EYS: variants seen among roughly 807,000 people sequenced by gnomAD.
The protein encoded by EYS is EGF-like photoreceptor maintenance factor.
In EYS, 250 loss-of-function variants were observed where a neutral mutation model predicts 282.1. That is an observed-to-expected ratio of 0.89 (90% CI 0.80 to 0.98). EYS has a LOEUF of 0.98. Ranked by LOEUF, EYS falls within the 50% of genes least tolerant of loss-of-function variation. EYS has a pLI of 0.00. For synonymous variants in EYS, 1,355 were observed against 1,282.9 expected (o/e 1.06, Z -1.20); for missense variants, 4,016 against 3,709.0 (o/e 1.08, Z -2.15).
intron 23 of EYS, among the ~76,000 whole-genome samples, chr6:64,618,925 A>T (rs2149850728): frequency 6.6e-6 from 1 of 152,358 alleles, no homozygotes; most frequent in African/African-American, 2.4e-5. Context: ...ATTATTGAGC[A>T]TAAAAACATA....
rs59815225 is a variant in EYS, at chr6:63,970,634, C to CAAA, written c.7055+13746_7055+13748dup. ...TGGGGGCCAGAGCAAGACTCCATCT[C>CAAA]AAAAAAAAAAAAAAATCTGTGGGAT... is the stretch of plus-strand genomic sequence containing the variant. On this transcript the variant is annotated intron_variant, in intron 35 of 42. Transcript: ENST00000503581. 4.0e-3 allele frequency among the ~76,000 whole-genome samples: 532 copies of CAAA among 133,874 alleles called. 2 individuals are homozygous for CAAA. The highest frequency in any genetic ancestry group is 0.011 in the Middle Eastern group (3 of 262). 87.8% of individuals were successfully genotyped at this position (133,874 alleles called of 152,430 possible). A position where few individuals can be genotyped will look rare whatever the true frequency, so the allele number is the denominator to read the frequency against.
intron 31 of EYS, among the ~76,000 whole-genome samples, chr6:64,214,975 A>G (rs1197363752): frequency 6.6e-6 from 1 of 152,030 alleles, no homozygotes; most frequent in African/African-American, 2.4e-5. Flanking sequence ...GAAAATTTAC[A>G]AAATAGGTTT....
chr6:64,414,098 C>T (rs1773990954), intron 28 of EYS, among the ~76,000 whole-genome samples: 1 of 152,076 alleles, frequency 6.6e-6, no homozygotes, highest in Non-Finnish European at 1.5e-5. Flanking sequence ...CTACCCAGTT[C>T]ATAGTATTTT....
At chr6:65,046,072 G>A (rs1773091468) in intron 13 of EYS, among the ~76,000 whole-genome samples, 1 of 151,728 alleles carries the variant, frequency 6.6e-6, no homozygotes, top group African/African-American at 2.4e-5. Context: ...CTCAAGAGGT[G>A]GGATTACATT....
chr6:64,295,497 A>AAGAAG (rs1554140736), intron 30 of EYS, among the ~76,000 whole-genome samples: 2 of 36,782 alleles, frequency 5.4e-5, no homozygotes, highest in Non-Finnish European at 4.8e-5. Context: ...GAAGAAGAAG[A>AAGAAG]AAGAAGAAAG....
chr6:64,843,849 G>A (rs1765640417), intron 19 of EYS, among the ~76,000 whole-genome samples: 1 of 152,130 alleles, frequency 6.6e-6, no homozygotes, highest in Non-Finnish European at 1.5e-5. Context: ...GTTTGGCTAT[G>A]TGTCCCCACC....
intron 15 of EYS, among the ~76,000 whole-genome samples, chr6:64,942,827 CAAAAAAAAAA>C (rs34826658): frequency 1.2e-3 from 112 of 94,330 alleles, no homozygotes; most frequent in Non-Finnish European, 9.4e-5. Flanking sequence ...GTAACTCTTC[CAAAAAAAAAA>C]AAAAAACAAA....
At chr6:65,455,746 G>A (rs1311816279) in intron 5 of EYS, among the ~76,000 whole-genome samples, 1 of 151,998 alleles carries the variant, frequency 6.6e-6, no homozygotes, top group African/African-American at 2.4e-5. Context: ...TAAGAAAATT[G>A]AATCGGTAAC....
At chr6:64,400,846 A>G (rs749836412) in intron 28 of EYS, among the ~76,000 whole-genome samples, 13 of 152,096 alleles carry the variant, frequency 8.5e-5, no homozygotes, top group Non-Finnish European at 1.5e-4. Context: ...ACTACCTTTA[A>G]TTGTTCTTCC....
At chr6:64,446,245 A>C (rs1228801848) in intron 26 of EYS, among the ~76,000 whole-genome samples, 1 of 152,052 alleles carries the variant, frequency 6.6e-6, no homozygotes, top group Non-Finnish European at 1.5e-5. Context: ...ACTAATAGCC[A>C]CTCCCCTTGC....
At chr6:64,379,062 T>C (rs1042798796) in intron 29 of EYS, among the ~76,000 whole-genome samples, 7 of 152,180 alleles carry the variant, frequency 4.6e-5, no homozygotes, top group African/African-American at 1.7e-4. Context: ...TTTATCTTTA[T>C]GGATTATGCT....
chr6:63,831,001 C>T (rs993147255), intron 36 of EYS, among the ~76,000 whole-genome samples: 1 of 152,142 alleles, frequency 6.6e-6, no homozygotes, highest in African/African-American at 2.4e-5. Flanking sequence ...AAATCCTTTA[C>T]AGACAAACAA....
chr6:64,254,636 G>A (rs1767331753), intron 30 of EYS, among the ~76,000 whole-genome samples: 1 of 152,008 alleles, frequency 6.6e-6, no homozygotes, highest in Admixed American at 6.6e-5. Context: ...TTTGTTCCCT[G>A]GGCCCAGGGA....
chr6:64,487,111 A>G (rs994770596), intron 26 of EYS, among the ~76,000 whole-genome samples: 6 of 151,118 alleles, frequency 4.0e-5, no homozygotes, highest in Non-Finnish European at 7.4e-5. Context: ...ATCATTTAGC[A>G]TTTGTGTGTA....
At chr6:65,360,238 C>T (rs887569191) in intron 8 of EYS, among the ~76,000 whole-genome samples, 9 of 151,620 alleles carry the variant, frequency 5.9e-5, no homozygotes, top group Non-Finnish European at 1.2e-4. Flanking sequence ...TTATTCTATC[C>T]AATTTAAAGA....
intron 40 of EYS, among the ~76,000 whole-genome samples, chr6:63,773,039 CT>C (rs1211373314): frequency 2.6e-5 from 4 of 151,892 alleles, no homozygotes; most frequent in African/African-American, 4.8e-5. Flanking sequence ...TATAAAAGGT[CT>C]TTTTTTTATG....
chr6:63,910,102 C>T lies in EYS; in HGVS notation c.7056-45744G>A, dbSNP rs566692474. On this transcript the variant is annotated intron_variant, in intron 35 of 42. Coordinates refer to ENST00000503581, the MANE Select transcript of EYS (RefSeq NM_001142800.2). Reference sequence around the variant, plus strand: ...AAAGAAGACTGAAAAATGGGAGAAACGGAAGAAAATAATATTACAGAAATC... The same window carrying T: ...AAAGAAGACTGAAAAATGGGAGAAATGGAAGAAAATAATATTACAGAAATC... Among the ~76,000 whole-genome samples, 4 of 152,142 alleles carry T rather than the reference C, an allele frequency of 2.6e-5. No homozygotes were observed. In the South Asian group the frequency reaches 8.3e-4, roughly 32 times the overall value.
chr6:65,655,422 T>C (rs1296196520), intron 1 of EYS, among the ~76,000 whole-genome samples: 3 of 151,654 alleles, frequency 2.0e-5, no homozygotes, highest in African/African-American at 7.3e-5. Context: ...TTGTTTATAG[T>C]ATATATAGTA....
At chr6:65,220,076 T>C (rs1766421499) in intron 12 of EYS, among the ~76,000 whole-genome samples, 1 of 152,198 alleles carries the variant, frequency 6.6e-6, no homozygotes, top group Non-Finnish European at 1.5e-5. Context: ...ATTGATGTGA[T>C]ATAATCCTAT....
Sources: gnomAD v4.1 joint callset for allele counts (sites outside exome capture counted in the v4.1 genomes callset) on GRCh38, gnomAD v4.1.1 for gene constraint, MANE v1.5 for transcripts, NCBI Gene and HGNC (gene_info 2026-07-23, HGNC 2026-07-21) for gene names.